PLCG2: variants seen among roughly 807,000 people sequenced by gnomAD.
PLCG2 encodes the protein phospholipase C gamma 2, also known as 1-phosphatidylinositol 4,5-bisphosphate phosphodiesterase gamma-2.
PLCG2 carries 69 observed loss-of-function variants against 175.6 expected under a neutral mutation model. The ratio of observed to expected loss-of-function variants is 0.39; its 90% CI spans 0.32 to 0.48. The LOEUF (loss-of-function observed/expected upper bound fraction) is 0.48. Among genes scored for constraint, PLCG2 ranks in the 20% least tolerant of loss-of-function variants. PLCG2 has a pLI of 0.91. For synonymous variants in PLCG2, 827 were observed against 624.0 expected (o/e 1.33, Z -4.85); for missense variants, 1,798 against 1,650.9 (o/e 1.09, Z -1.54).
At chr16:81,896,322 C>T (rs60427389) in intron 13 of PLCG2, among the ~76,000 whole-genome samples, 23,777 of 149,190 alleles carry the variant, frequency 0.16, 2,599 homozygotes, top group East Asian at 0.51. Flanking sequence ...GTCAGGAGTT[C>T]GAGAAGAGCC....
At chr16:81,776,829 A>G (rs996177484), upstream of PLCG2, among the ~76,000 whole-genome samples, 2 of 152,230 alleles carry the variant, frequency 1.3e-5, no homozygotes, top group Admixed American at 6.5e-5. Context: ...TGCTGGGATT[A>G]CAGGTATGAG....
At chr16:81,848,194 T>C (rs1238138889) in intron 2 of PLCG2, among the ~76,000 whole-genome samples, 1 of 152,186 alleles carries the variant, frequency 6.6e-6, no homozygotes, top group African/African-American at 2.4e-5. Context: ...CATCAACTGA[T>C]CTTTGACAAA....
rs201801906 is a variant in PLCG2, at chr16:81,958,035, C to A, written c.*37C>A. ...TGTGTGTAAGGGTATTGTGTGTGTG[C>A]GCATGTGTGTTTGCATGTAGGAGAA... On this transcript the variant is annotated 3_prime_UTR_variant, in exon 33 of 33. Coordinates refer to ENST00000564138, the MANE Select transcript of PLCG2 (RefSeq NM_002661.5). 4.8e-6 allele frequency: 7 copies of A among 1,457,496 alleles called. No homozygotes were observed. Among genetic ancestry groups the A allele is most frequent in the Non-Finnish European group, 6.7e-6 (7 of 1,037,358 alleles). 90.3% of individuals were successfully genotyped at this position (1,457,496 alleles called of 1,614,324 possible).
chr16:81,811,072 G>A (rs1047924727), intron 2 of PLCG2, among the ~76,000 whole-genome samples: 8 of 152,138 alleles, frequency 5.3e-5, no homozygotes, highest in African/African-American at 1.7e-4. Context: ...ACATGAGTGT[G>A]CACTTCCTGG....
chr16:81,838,215 C>A (rs1905627482), intron 2 of PLCG2, among the ~76,000 whole-genome samples: 1 of 151,960 alleles, frequency 6.6e-6, no homozygotes, highest in Non-Finnish European at 1.5e-5. Context: ...GCTTCCCAAG[C>A]ACCTGGGACT....
intron 23 of PLCG2, among the ~76,000 whole-genome samples, chr16:81,927,653 C>T (rs1263981580): frequency 6.6e-6 from 1 of 152,158 alleles, no homozygotes; most frequent in East Asian, 1.9e-4. Flanking sequence ...TTTCAGCGTG[C>T]TAGCACTCCA....
At chr16:81,914,718 C>A (rs1437413940) in intron 19 of PLCG2, among the ~76,000 whole-genome samples, 1 of 152,158 alleles carries the variant, frequency 6.6e-6, no homozygotes, top group Non-Finnish European at 1.5e-5. Flanking sequence ...AGAGACATCG[C>A]CTTACTCCAA....
At chr16:81,888,009 C>T (rs779270991) in intron 9 of PLCG2, among the ~76,000 whole-genome samples, 7 of 147,420 alleles carry the variant, frequency 4.7e-5, no homozygotes, top group Non-Finnish European at 9.0e-5. Flanking sequence ...GATTACATTC[C>T]ATATCAGTTT....
intron 2 of PLCG2, among the ~76,000 whole-genome samples, chr16:81,765,857 C>T (rs1245456075): frequency 2.0e-5 from 3 of 152,206 alleles, no homozygotes; most frequent in South Asian, 2.1e-4. Flanking sequence ...CCCCTGTGGA[C>T]AGCTGCTGTG....
At chr16:81,830,565 C>T (rs1020779015) in intron 2 of PLCG2, among the ~76,000 whole-genome samples, 5 of 152,054 alleles carry the variant, frequency 3.3e-5, no homozygotes, top group Non-Finnish European at 5.9e-5. Flanking sequence ...GCCTCAGCCT[C>T]CCAAAGTGCT....
chr16:81,825,548 G>C (rs1010702837), intron 2 of PLCG2, among the ~76,000 whole-genome samples: 5 of 152,116 alleles, frequency 3.3e-5, no homozygotes, highest in African/African-American at 1.2e-4. Flanking sequence ...ACCTGCCTCG[G>C]TCTCCCAAAG....
chr16:81,869,774 A>T (rs1416008073), intron 6 of PLCG2, among the ~76,000 whole-genome samples: 1 of 152,102 alleles, frequency 6.6e-6, no homozygotes, highest in Non-Finnish European at 1.5e-5. Context: ...ATACATCATT[A>T]AATTTATTTT....
intron 5 of PLCG2, among the ~76,000 whole-genome samples, chr16:81,867,270 G>A (rs1223740651): frequency 6.6e-6 from 1 of 152,212 alleles, no homozygotes; most frequent in Non-Finnish European, 1.5e-5. Flanking sequence ...GCAAGGTGGG[G>A]CGAGCTTCCT....
chr16:81,826,320 G>A (rs112021989), intron 2 of PLCG2, among the ~76,000 whole-genome samples: 1 of 152,164 alleles, frequency 6.6e-6, no homozygotes, highest in African/African-American at 2.4e-5. Flanking sequence ...TGGGGGAACC[G>A]AGAAAAGCAT....
rs74029307 is a variant in PLCG2, at chr16:81,940,161, A to T, written c.3481+102A>T. On this transcript the variant is annotated intron_variant, in intron 30 of 32. Coordinates refer to ENST00000564138, the MANE Select transcript of PLCG2 (RefSeq NM_002661.5). ...TGAAAAATGATTTTTCCTGGTTTGG[A>T]TGGAATCACTGTAAAACCGATTGGG... The T allele has an allele frequency of 6.6e-4, 702 of 1,070,326 alleles. 5 individuals are homozygous for T. In the African/African-American group the frequency reaches 8.8e-3, roughly 13 times the overall value. The allele number at this position is 1,070,326 out of a possible 1,614,324, so 66.3% of individuals were successfully genotyped here.
chr16:81,897,885 G>A (rs1434741795), intron 13 of PLCG2: 1 of 455,532 alleles, frequency 2.2e-6, no homozygotes, highest in Admixed American at 2.4e-5. Flanking sequence ...GATGTCCCTT[G>A]AGCTGGGTGG....
At chr16:81,860,325 A>G (rs1025745011) in intron 5 of PLCG2, among the ~76,000 whole-genome samples, 1 of 151,918 alleles carries the variant, frequency 6.6e-6, no homozygotes, top group East Asian at 1.9e-4. Context: ...ATCCTTTATC[A>G]TTACTGTGAT....
chr16:81,953,817 A>C (rs916371272), intron 31 of PLCG2, among the ~76,000 whole-genome samples: 11 of 152,220 alleles, frequency 7.2e-5, no homozygotes, highest in African/African-American at 2.7e-4. Flanking sequence ...AGTATGTAAT[A>C]TAGCTGCAAA....
In PLCG2 at chr16:81,828,405, T is replaced by G. The variant is rs569194419; in HGVS notation, c.194-26039T>G. 5.9e-5 allele frequency among the ~76,000 whole-genome samples: 9 copies of G among 151,760 alleles called. No homozygotes were observed. In the East Asian group the frequency reaches 1.8e-3, roughly 30 times the overall value. ...GGTGCCTGCCACCACGCCCGGCTAATTTTTTTGTATTTTTAGTAGAGACTG... is the reference window on the plus strand; with the variant it reads ...GGTGCCTGCCACCACGCCCGGCTAAGTTTTTTGTATTTTTAGTAGAGACTG... On this transcript the variant is annotated intron_variant, in intron 2 of 32. Transcript: ENST00000564138.
Sources: allele counts gnomAD v4.1 joint callset (sites outside exome capture counted in the v4.1 genomes callset), GRCh38; gene constraint gnomAD v4.1.1; transcripts MANE v1.5; gene names NCBI Gene and HGNC (gene_info 2026-07-23, HGNC 2026-07-21).